Variants in MAPK6 observed in about 807,000 individuals in gnomAD.
MAPK6 encodes the protein mitogen-activated protein kinase 6.
In MAPK6, 19 loss-of-function variants were observed where a neutral mutation model predicts 59.3. That is an observed-to-expected ratio of 0.32 (90% CI 0.22 to 0.47). MAPK6 has a LOEUF of 0.47. Ranked by LOEUF, MAPK6 falls within the 20% of genes least tolerant of loss-of-function variation. MAPK6 has a pLI of 1.00. For synonymous variants in MAPK6, 316 were observed against 290.3 expected (o/e 1.09, Z -0.90); for missense variants, 724 against 847.9 (o/e 0.85, Z 1.81).
intron 2 of MAPK6, among the ~76,000 whole-genome samples, chr15:51,989,382 TA>T (rs1210679412): frequency 6.6e-6 from 1 of 152,088 alleles, no homozygotes; most frequent in Non-Finnish European, 1.5e-5. Flanking sequence ...ATCCACAATG[TA>T]ACATCCATTT....
At chr15:51,985,063 C>T (rs1371185436) in intron 2 of MAPK6, among the ~76,000 whole-genome samples, 1 of 152,132 alleles carries the variant, frequency 6.6e-6, no homozygotes, top group East Asian at 1.9e-4. Flanking sequence ...TATTGCCAGG[C>T]AAAAATTGTT....
chr15:52,056,471 T>TA (rs1236069518), intron 3 of MAPK6, among the ~76,000 whole-genome samples: 4 of 152,202 alleles, frequency 2.6e-5, no homozygotes, highest in African/African-American at 9.7e-5. Context: ...TTAATTCCTC[T>TA]GCTTACATTC....
intron 1 of MAPK6, among the ~76,000 whole-genome samples, chr15:52,042,043 C>T (rs970099015): frequency 3.9e-5 from 6 of 152,172 alleles, no homozygotes; most frequent in African/African-American, 9.7e-5. Flanking sequence ...AATAATGGAA[C>T]GTGACTGAAT....
chr15:52,063,709 T>C lies in MAPK6; in HGVS notation c.1068-193T>C, dbSNP rs116626530. 6.6e-3 allele frequency among the ~76,000 whole-genome samples: 998 copies of C among 152,304 alleles called. 12 individuals are homozygous for C. The highest frequency in any genetic ancestry group is 0.023 in the African/African-American group (948 of 41,560). On this transcript the variant is annotated intron_variant, in intron 5 of 5. Transcript: ENST00000261845. Reference sequence around the variant, plus strand: ...ATTGGAAATGAAGTTACATACTGCATTGGCAATTACCAAATATATTAACAG... The same window carrying C: ...ATTGGAAATGAAGTTACATACTGCACTGGCAATTACCAAATATATTAACAG...
At chr15:52,029,557 T>C (rs958849219) in intron 1 of MAPK6, among the ~76,000 whole-genome samples, 1 of 152,196 alleles carries the variant, frequency 6.6e-6, no homozygotes, top group Non-Finnish European at 1.5e-5. Flanking sequence ...TGCTAGACAT[T>C]ACCACTTAGT....
In MAPK6 at chr15:52,050,126, C is replaced by G; in HGVS notation, c.689C>G (p.Thr230Ser). The change falls in exon 3 of 6, where the codon ACC (threonine) becomes AGC (serine). Residue 230 changes from threonine to serine, a missense_variant. By Grantham distance (58) the Thr-to-Ser change is moderately conservative. Coordinates refer to ENST00000261845, the MANE Select transcript of MAPK6 (RefSeq NM_002748.4). ...TTTGCTGAAATGCTGACTGGTAAAACCCTTTTTGCAGGTTAGTATTTTGTG... is the reference window on the plus strand; with the variant it reads ...TTTGCTGAAATGCTGACTGGTAAAAGCCTTTTTGCAGGTTAGTATTTTGTG... ...CIFAEMLTGK[T>S]LFAGAHELEQ... 1 of 1,607,078 alleles carries G rather than the reference C, an allele frequency of 6.2e-7. No individual in the cohort carries two copies.
intron 1 of MAPK6, among the ~76,000 whole-genome samples, chr15:52,025,781 A>T (rs368550089): frequency 6.6e-6 from 1 of 151,950 alleles, no homozygotes; most frequent in African/African-American, 2.4e-5. Context: ...GAGCAAGACT[A>T]CGTCTCAAAA....
intron 1 of MAPK6, among the ~76,000 whole-genome samples, chr15:52,043,823 A>T (rs797008249): frequency 2.4e-4 from 29 of 120,784 alleles, no homozygotes; most frequent in African/African-American, 9.4e-4. Context: ...CAATGGCAGG[A>T]TCTCGGCTCA....
intron 1 of MAPK6, among the ~76,000 whole-genome samples, chr15:52,032,126 G>A (rs924278792): frequency 1.3e-5 from 2 of 151,412 alleles, no homozygotes; most frequent in South Asian, 2.1e-4. Flanking sequence ...CGCCTGCCTC[G>A]GCCTCCCAAA....
At chr15:52,003,856 G>A (rs973096615) in intron 2 of MAPK6, among the ~76,000 whole-genome samples, 3 of 152,194 alleles carry the variant, frequency 2.0e-5, no homozygotes, top group African/African-American at 7.2e-5. Flanking sequence ...AGAGATAAGA[G>A]TGAAACAGTA....
chr15:52,018,693 C>T (rs1437845006), upstream of MAPK6: 1 of 152,492 alleles, frequency 6.6e-6, no homozygotes, highest in Non-Finnish European at 1.5e-5. Flanking sequence ...GAAACACCCT[C>T]CCCACCTCCT....
chr15:52,039,550 C>T (rs554077884), intron 1 of MAPK6, among the ~76,000 whole-genome samples: 2 of 123,938 alleles, frequency 1.6e-5, no homozygotes, highest in African/African-American at 3.1e-5. Flanking sequence ...GGGTCTCACT[C>T]TGTTGCCCAA....
chr15:51,985,968 C>A (rs372978586), intron 2 of MAPK6, among the ~76,000 whole-genome samples: 2,136 of 150,860 alleles, frequency 0.014, 25 homozygotes, highest in African/African-American at 0.029. Flanking sequence ...AAAAAAAAAA[C>A]AAAAAACAAC....
At chr15:52,063,066 A>G (rs1328270194) in intron 5 of MAPK6, among the ~76,000 whole-genome samples, 1 of 152,074 alleles carries the variant, frequency 6.6e-6, no homozygotes, top group African/African-American at 2.4e-5. Context: ...TACCCCCTAA[A>G]TAATGGTTCT....
chr15:52,041,181 CTTTGTTTT>C (rs138287310), intron 1 of MAPK6, among the ~76,000 whole-genome samples: 3,969 of 151,974 alleles, frequency 0.026, 193 homozygotes, highest in African/African-American at 0.09. Flanking sequence ...AAGCTTTAAA[CTTTGTTTT>C]TTTGTTTTTT....
upstream of MAPK6, among the ~76,000 whole-genome samples, chr15:52,016,070 G>GCGCACACACACACACACACACA: frequency 1.8e-5 from 1 of 55,444 alleles, no homozygotes; most frequent in African/African-American, 7.0e-5. Flanking sequence ...GCGCGCGCGC[G>GCGCACACACACACACACACACA]CACACACACA....
chr15:52,014,318 AATAAAT>A (rs1160904283), upstream of MAPK6, among the ~76,000 whole-genome samples: 115 of 152,344 alleles, frequency 7.5e-4, no homozygotes, highest in African/African-American at 2.6e-3. Context: ...AATAATTAGC[AATAAAT>A]ATAAATACAT....
At chr15:52,006,957 A>G (rs1406497763) in intron 3 of MAPK6, among the ~76,000 whole-genome samples, 2 of 152,168 alleles carry the variant, frequency 1.3e-5, no homozygotes, top group African/African-American at 4.8e-5. Flanking sequence ...TATTTTCCCC[A>G]GAGAATCAAT....
In MAPK6 at chr15:52,023,904, G is replaced by A. The variant is rs376910469; in HGVS notation, c.-632+4528G>A. Among the ~76,000 whole-genome samples, 44 of 152,224 alleles carry A rather than the reference G, an allele frequency of 2.9e-4. 5 individuals are homozygous for A. Among genetic ancestry groups the A allele is most frequent in the South Asian group, 1.9e-3 (9 of 4,816 alleles). ...TGGGATTACGGGCATGAGCCACCGC[G>A]CCCAGCCAATAGAGTTCTAAAAGTT... On this transcript the variant is annotated intron_variant, in intron 1 of 5. Transcript: ENST00000261845.
Sources: allele counts gnomAD v4.1 joint callset (sites outside exome capture counted in the v4.1 genomes callset), GRCh38; gene constraint gnomAD v4.1.1; transcripts MANE v1.5; gene names NCBI Gene and HGNC (gene_info 2026-07-23, HGNC 2026-07-21).